The following ITGAE variants were observed in gnomAD, a reference collection of about 807,000 sequenced individuals.
The protein encoded by ITGAE is integrin alpha-E.
In ITGAE, 99 loss-of-function variants were observed where a neutral mutation model predicts 136.5. The ratio of observed to expected loss-of-function variants is 0.73; its 90% CI spans 0.62 to 0.86. The LOEUF is 0.86. Ranked by LOEUF, ITGAE falls within the 40% of genes least tolerant of loss-of-function variation. The pLI, the probability that ITGAE is intolerant of heterozygous loss-of-function variation, is 0.00. For synonymous variants in ITGAE, 613 were observed against 591.8 expected, an observed-to-expected ratio of 1.04 and a Z score of -0.52; for missense variants, 1,447 against 1,515.3, an observed-to-expected ratio of 0.95 and a Z score of 0.75.
intron 1 of ITGAE, among the ~76,000 whole-genome samples, chr17:3,793,156 G>A (rs954805271): frequency 5.5e-4 from 83 of 151,868 alleles, no homozygotes; most frequent in Admixed American, 2.4e-3. Context: ...GGGTTCAAGC[G>A]ATTCTCCTGC....
chr17:3,714,988 A>G (rs2050915646), intron 30 of ITGAE, 46 bp from the exon 31 acceptor site: 1 of 1,186,236 alleles, frequency 8.4e-7, no homozygotes, highest in Non-Finnish European at 1.2e-6. Context: ...AAAGATAGCC[A>G]TCTGTTTCAG....
chr17:3,800,659 T>C (rs559814679), intron 1 of ITGAE, among the ~76,000 whole-genome samples: 5 of 152,154 alleles, frequency 3.3e-5, no homozygotes, highest in African/African-American at 1.2e-4. Flanking sequence ...ATACAGACAC[T>C]TGCCCCCAGT....
Position 3,761,984 on chromosome 17 carries a change from T to G in ITGAE, c.248-2A>C, listed in dbSNP as rs901265916. On this transcript the variant is annotated splice_acceptor_variant, in intron 3 of 30. Transcript: ENST00000263087. LOFTEE classifies it high-confidence loss of function. ...TCCCCTTGGGGATGGGGACATGCTC[T>G]GAAAAAGTTAAGCCCAGGTGAGGAG... is the stretch of plus-strand genomic sequence containing the variant. 1.2e-6 allele frequency: 2 copies of G among 1,613,512 alleles called. No individual in the cohort carries two copies. Among genetic ancestry groups the G allele is most frequent in the South Asian group, 1.1e-5 (1 of 91,020 alleles).
At position 3,748,012 on chromosome 17, in the gene ITGAE, T is replaced by G. The variant is rs1350322672; in HGVS notation, c.2065A>C (p.Thr689Pro). 1.2e-6 allele frequency: 2 copies of G among 1,612,050 alleles called. No homozygotes were observed. Among genetic ancestry groups the G allele is most frequent in the East Asian group, 2.2e-5 (1 of 44,750 alleles). The change falls in exon 17 of 31, where the codon ACC becomes CCC. Residue 689 changes from threonine (T) to proline (P), a missense_variant. Thr to Pro is a conservative substitution (Grantham distance 38). Transcript: ENST00000263087. ...AAGCCGATGGGCAGTGCGCTGGGGGTGAAGGCCATGGAGACCTTCAGGCGA... is the reference window on the plus strand; with the variant it reads ...AAGCCGATGGGCAGTGCGCTGGGGGGGAAGGCCATGGAGACCTTCAGGCGA... ...VVRLKVSMAFTPSALPIGFNG... is the reference protein window; with the variant it reads ...VVRLKVSMAFPPSALPIGFNG...
intron 10 of ITGAE, 78 bp downstream of exon 10, chr17:3,756,906 C>T (rs2052039055): frequency 2.0e-6 from 3 of 1,478,760 alleles, no homozygotes; most frequent in Middle Eastern, 1.8e-4. Context: ...TCAGAGAAAC[C>T]ACATGAAGAT....
At chr17:3,763,767 G>T in intron 3 of ITGAE, 102 bp downstream of exon 3, 1 of 919,472 alleles carries the variant, frequency 1.1e-6, no homozygotes. Flanking sequence ...GAACGGGCTG[G>T]ATGAGGCAGG....
intron 1 of ITGAE, among the ~76,000 whole-genome samples, chr17:3,794,717 G>A (rs888973667): frequency 6.6e-6 from 1 of 152,186 alleles, no homozygotes; most frequent in African/African-American, 2.4e-5. Flanking sequence ...ACGTCACGTT[G>A]AGCCCTGTGC....
In ITGAE at chr17:3,768,272, G is replaced by A. The variant is rs140104139; in HGVS notation, c.156-4312C>T. ...CCCAAGTAACTGGGACCACAGATGC[G>A]TGCCATCACACCTGGCAAATTTTCT... On this transcript the variant is annotated intron_variant, in intron 2 of 30. Transcript: ENST00000263087. 8.3e-4 allele frequency among the ~76,000 whole-genome samples: 127 copies of A among 152,212 alleles called. 1 individual carries two copies. Among genetic ancestry groups the A allele is most frequent in the Middle Eastern group, 6.8e-3 (2 of 294 alleles).
intron 3 of ITGAE, among the ~76,000 whole-genome samples, chr17:3,763,311 T>TTCATTCA (rs1205159624): frequency 6.9e-6 from 1 of 145,138 alleles, no homozygotes; most frequent in African/African-American, 2.8e-5. Flanking sequence ...ATCAGGTTCA[T>TTCATTCA]TCATTCATTC....
chr17:3,762,856 C>A (rs2052209082), intron 3 of ITGAE, among the ~76,000 whole-genome samples: 1 of 151,336 alleles, frequency 6.6e-6, no homozygotes, highest in Non-Finnish European at 1.5e-5. Context: ...ACCTCAGCCT[C>A]CCAAAGTGTT....
At chr17:3,730,488 A>G (rs917088186) in intron 23 of ITGAE, 2 of 151,772 alleles carry the variant, frequency 1.3e-5, no homozygotes, top group African/African-American at 4.8e-5. Context: ...TTTCAGAGAT[A>G]AGCAATTGGA....
At position 3,777,654 on chromosome 17, in the gene ITGAE, G is replaced by A. The variant is rs963984678; in HGVS notation, c.41C>T (p.Ala14Val). ...FHTLLCIASL[A>V]LLAAFNVDVA... ...ATCCACATTGAAAGCGGCCAGCAGG[G>A]CCAGGCCTGTAGGGAAAAGAGGAGC... is the stretch of plus-strand genomic sequence containing the variant. Residue 14 changes from alanine to valine, a missense_variant, in exon 2 of 31, where the codon GCC becomes GTC. Transcript: ENST00000263087. 35 of 1,611,738 alleles carry A rather than the reference G, an allele frequency of 2.2e-5. No individual in the cohort carries two copies. The Middle Eastern group carries it at 4.9e-4, about 23-fold the overall frequency.
intron 2 of ITGAE, among the ~76,000 whole-genome samples, chr17:3,775,522 C>A (rs926430100): frequency 6.6e-5 from 10 of 152,096 alleles, no homozygotes; most frequent in Non-Finnish European, 1.5e-4. Flanking sequence ...TGCAATGGCA[C>A]GATCTCGGCT....
At chr17:3,775,640 T>G (rs967681881) in intron 2 of ITGAE, among the ~76,000 whole-genome samples, 1 of 151,702 alleles carries the variant, frequency 6.6e-6, no homozygotes, top group Non-Finnish European at 1.5e-5. Context: ...TTTTTTTTTT[T>G]GTATCTTTAG....
intron 1 of ITGAE, among the ~76,000 whole-genome samples, chr17:3,782,249 C>T (rs141570458): frequency 1.8e-3 from 237 of 133,590 alleles, no homozygotes; most frequent in African/African-American, 6.4e-3. Context: ...CACTCCAGCC[C>T]GGGTGAGAGA....
At chr17:3,729,909 C>T (rs1292010069) in intron 23 of ITGAE, among the ~76,000 whole-genome samples, 1 of 152,052 alleles carries the variant, frequency 6.6e-6, no homozygotes, top group East Asian at 1.9e-4. Context: ...TTTTAAGTTC[C>T]AGGGTACATG....
intron 20 of ITGAE, among the ~76,000 whole-genome samples, chr17:3,738,618 G>A (rs958259080): frequency 4.6e-5 from 7 of 152,184 alleles, no homozygotes; most frequent in Non-Finnish European, 1.0e-4. Flanking sequence ...AGCCACAGGC[G>A]GCCACTGAGT....
chr17:3,776,492 C>G (rs1401441205), intron 2 of ITGAE, among the ~76,000 whole-genome samples: 1 of 152,230 alleles, frequency 6.6e-6, no homozygotes, highest in Non-Finnish European at 1.5e-5. Context: ...TCAGGCTATG[C>G]GGCAAATCCA....
chr17:3,759,625 G>T, intron 7 of ITGAE, 72 bp from the exon 8 acceptor site: 1 of 1,545,534 alleles, frequency 6.5e-7, no homozygotes, highest in Non-Finnish European at 8.9e-7. Flanking sequence ...TCTCCCGCTG[G>T]AAGCAGCAGA....
Sources: gnomAD v4.1 joint callset for allele counts (sites outside exome capture counted in the v4.1 genomes callset) on GRCh38, gnomAD v4.1.1 for gene constraint, MANE v1.5 for transcripts, NCBI Gene and HGNC (gene_info 2026-07-23, HGNC 2026-07-21) for gene names.